GPR39: variants seen among roughly 807,000 people sequenced by gnomAD.
GPR39 encodes the protein G protein-coupled receptor 39.
A neutral mutation model predicts 18.4 loss-of-function variants in GPR39; 23 were observed. The observed-to-expected ratio is 1.25, with a 90% CI of 0.90 to 1.77. GPR39 has a LOEUF of 1.77. Among genes scored for constraint, GPR39 ranks in the 40% most tolerant of loss-of-function variants. The probability of loss-of-function intolerance (pLI) is 0.00; values close to 1 mark genes in which losing one functional copy is unlikely to be tolerated. For synonymous variants in GPR39, 280 were observed against 257.9 expected, an observed-to-expected ratio of 1.09 and a Z score of -0.82; for missense variants, 647 against 602.4, an observed-to-expected ratio of 1.07 and a Z score of -0.78.
At chr2:132,545,238 C>G (rs1020141553) in intron 1 of GPR39, among the ~76,000 whole-genome samples, 2 of 152,224 alleles carry the variant, frequency 1.3e-5, no homozygotes, top group African/African-American at 4.8e-5. Flanking sequence ...CTTTGGACTG[C>G]TCTAGGTTCT....
chr2:132,574,880 T>C (rs976642931), intron 1 of GPR39, among the ~76,000 whole-genome samples: 1 of 152,230 alleles, frequency 6.6e-6, no homozygotes, highest in Admixed American at 6.5e-5. Context: ...TTGCTTGGTT[T>C]AAGATTAAAC....
At chr2:132,569,869 T>C (rs1680412518) in intron 1 of GPR39, among the ~76,000 whole-genome samples, 1 of 152,200 alleles carries the variant, frequency 6.6e-6, no homozygotes, top group Admixed American at 6.5e-5. Flanking sequence ...GCACAAGCCC[T>C]CTTCTCTTGT....
In GPR39 at chr2:132,474,668, C is replaced by G. The variant is rs528417752; in HGVS notation, c.856+56770C>G. Among the ~76,000 whole-genome samples the G allele has an allele frequency of 2.6e-5, 4 of 152,344 alleles. No homozygotes were observed. The East Asian group carries it at 7.7e-4, about 29-fold the overall frequency. ...CTTGAAACACCATCACCATAGATTT[C>G]TATTGATCGAGGCAGCCCAGTTGCT... On this transcript the variant is annotated intron_variant, in intron 1 of 1. Coordinates refer to ENST00000329321, the MANE Select transcript of GPR39 (RefSeq NM_001508.3).
chr2:132,644,909 G>GAAAC (rs1385222597), intron 1 of GPR39, 192 bp from the exon 2 acceptor site: 11 of 623,270 alleles, frequency 1.8e-5, no homozygotes, highest in Non-Finnish European at 2.2e-5. Context: ...CCCCGGGTTT[G>GAAAC]AAACAGTGTT....
chr2:132,620,358 T>C (rs1347284679), intron 1 of GPR39, among the ~76,000 whole-genome samples: 1 of 152,078 alleles, frequency 6.6e-6, no homozygotes, highest in Admixed American at 6.5e-5. Flanking sequence ...GATCTCGCAA[T>C]ATCTTCTGGC....
At chr2:132,610,392 T>C (rs1360426738) in intron 1 of GPR39, among the ~76,000 whole-genome samples, 1 of 152,186 alleles carries the variant, frequency 6.6e-6, no homozygotes, top group Admixed American at 6.5e-5. Flanking sequence ...TCATGTATGA[T>C]GGCTTGAGAG....
chr2:132,536,009 C>CAAAA (rs56929155), intron 1 of GPR39, among the ~76,000 whole-genome samples: 20,956 of 139,596 alleles, frequency 0.15, 1,601 homozygotes, highest in Middle Eastern at 0.23. Flanking sequence ...TTAATTTTTT[C>CAAAA]AAAAAAAAAA....
At chr2:132,636,325 C>T (rs1324823310) in intron 1 of GPR39, among the ~76,000 whole-genome samples, 1 of 152,204 alleles carries the variant, frequency 6.6e-6, no homozygotes, top group African/African-American at 2.4e-5. Flanking sequence ...GTTGGAAGGC[C>T]AGGCCCTGGC....
intron 1 of GPR39, among the ~76,000 whole-genome samples, chr2:132,482,308 T>C (rs1039382383): frequency 2.0e-5 from 3 of 152,246 alleles, no homozygotes; most frequent in African/African-American, 7.2e-5. Flanking sequence ...GACCCAGTGT[T>C]CACAGATTTT....
At chr2:132,467,052 T>C (rs193047505) in intron 1 of GPR39, among the ~76,000 whole-genome samples, 162 of 152,140 alleles carry the variant, frequency 1.1e-3, no homozygotes, top group African/African-American at 3.7e-3. Context: ...CTAGTAGGAG[T>C]TGTAGGCAGT....
chr2:132,439,719 A>T (rs369086273), intron 1 of GPR39, among the ~76,000 whole-genome samples: 1 of 152,198 alleles, frequency 6.6e-6, no homozygotes, highest in Non-Finnish European at 1.5e-5. Flanking sequence ...AGTGATTTTT[A>T]AAAATCTTAG....
intron 1 of GPR39, among the ~76,000 whole-genome samples, chr2:132,612,447 C>T (rs1681253846): frequency 1.3e-5 from 2 of 152,150 alleles, no homozygotes; most frequent in South Asian, 2.1e-4. Context: ...AGCAAGACCA[C>T]GTTCTATGCT....
chr2:132,577,232 C>T (rs1044898518), intron 1 of GPR39, among the ~76,000 whole-genome samples: 1 of 152,048 alleles, frequency 6.6e-6, no homozygotes, highest in Non-Finnish European at 1.5e-5. Context: ...TGGCACACAC[C>T]TGTAGGCCCA....
chr2:132,428,928 T>C (rs571780359), intron 1 of GPR39, among the ~76,000 whole-genome samples: 25 of 152,286 alleles, frequency 1.6e-4, no homozygotes, highest in East Asian at 3.9e-4. Flanking sequence ...CTTAGTAACA[T>C]TGGGGGTCGG....
chr2:132,487,641 A>T (rs1231362913), intron 1 of GPR39, among the ~76,000 whole-genome samples: 4 of 152,216 alleles, frequency 2.6e-5, no homozygotes, highest in African/African-American at 4.8e-5. Context: ...AATAGTCAAA[A>T]TTTAATGATT....
At chr2:132,579,444 A>G (rs980340120) in intron 1 of GPR39, among the ~76,000 whole-genome samples, 3 of 152,076 alleles carry the variant, frequency 2.0e-5, no homozygotes, top group Admixed American at 2.0e-4. Flanking sequence ...TGCTGTGTGG[A>G]GTGTTTTATA....
At chr2:132,492,148 C>T (rs1272031370) in intron 1 of GPR39, among the ~76,000 whole-genome samples, 1 of 146,978 alleles carries the variant, frequency 6.8e-6, no homozygotes, top group Non-Finnish European at 1.5e-5. Context: ...CATATATATA[C>T]ACCACATAAA....
chr2:132,628,945 A>G (rs1269594815), intron 1 of GPR39, among the ~76,000 whole-genome samples: 7 of 152,204 alleles, frequency 4.6e-5, no homozygotes, highest in Non-Finnish European at 1.0e-4. Context: ...AAGTGCTCAG[A>G]GTGACCCAGG....
Position 132,645,338 on chromosome 2 carries a change from T to C in GPR39, c.1094T>C (p.Leu365Pro). The C allele has an allele frequency of 1.2e-6, 2 of 1,614,170 alleles. No homozygotes were observed. The highest frequency in any genetic ancestry group is 1.7e-6 in the Non-Finnish European group (2 of 1,180,038). ...FVQVLCCRLSLQHANHEKRLR... is the reference protein window; with the variant it reads ...FVQVLCCRLSPQHANHEKRLR... ...CAGGTGCTGTGCTGCCGCCTGTCGC[T>C]GCAGCACGCCAACCACGAGAAGCGC... The change falls in exon 2 of 2, where the codon CTG becomes CCG. Residue 365 changes from leucine to proline, a missense_variant. Physicochemically the swap from Leu to Pro is moderately conservative, Grantham distance 98. Transcript: ENST00000329321.
Sources: allele counts gnomAD v4.1 joint callset (sites outside exome capture counted in the v4.1 genomes callset), GRCh38; gene constraint gnomAD v4.1.1; transcripts MANE v1.5; gene names NCBI Gene and HGNC (gene_info 2026-07-23, HGNC 2026-07-21).